The following ABL1 variants were observed in gnomAD, a reference collection of about 807,000 sequenced individuals.
The protein encoded by ABL1 is ABL proto-oncogene 1, non-receptor tyrosine kinase.
ABL1 carries 11 observed loss-of-function variants against 94.7 expected under a neutral mutation model. That is an observed-to-expected ratio of 0.12 (90% CI 0.07 to 0.19). ABL1 has a LOEUF of 0.19. Among genes scored for constraint, ABL1 ranks in the 10% least tolerant of loss-of-function variants. The pLI is 1.00. For missense variants in ABL1, 1,082 were observed against 1,489.4 expected, an observed-to-expected ratio of 0.73 and a Z score of 4.50; for synonymous variants, 656 against 622.4, an observed-to-expected ratio of 1.05 and a Z score of -0.80.
intron 10 of ABL1, among the ~76,000 whole-genome samples, chr9:130,882,986 G>A (rs772949647): frequency 2.0e-4 from 30 of 151,774 alleles, no homozygotes; most frequent in Non-Finnish European, 3.8e-4. Context: ...GCACAAGCTG[G>A]GGGCTGCCCC....
At chr9:130,789,639 G>A (rs1438002671) in intron 1 of ABL1, among the ~76,000 whole-genome samples, 1 of 152,094 alleles carries the variant, frequency 6.6e-6, no homozygotes, top group Non-Finnish European at 1.5e-5. Flanking sequence ...TAGACTATAA[G>A]TTAATTTACT....
At chr9:130,763,745 G>T (rs1564283519) in intron 1 of ABL1, among the ~76,000 whole-genome samples, 2 of 152,222 alleles carry the variant, frequency 1.3e-5, no homozygotes, top group Admixed American at 6.5e-5. Flanking sequence ...TCACAAGGCA[G>T]AAGTGACATG....
At chr9:130,753,422 C>CTTTTTTTTTTTTTTTTTT (rs71389347) in intron 1 of ABL1, among the ~76,000 whole-genome samples, 54 of 90,324 alleles carry the variant, frequency 6.0e-4, no homozygotes, top group Non-Finnish European at 8.1e-4. Flanking sequence ...TTTTTCTTTT[C>CTTTTTTTTTTTTTTTTTT]TTTTTTTTTT....
Position 130,885,755 on chromosome 9 carries a change from A to T in ABL1, c.*72A>T. ...ACATGCGGGCTCGCCCATACCCGTG[A>T]CAGTGGCTGACAAGGGACTAGTGAG... On this transcript the variant is annotated 3_prime_UTR_variant, in exon 11 of 11. Transcript: ENST00000318560. 6.6e-7 allele frequency: 1 copy of T among 1,517,322 alleles called. No homozygotes were observed. The highest frequency in any genetic ancestry group is 8.8e-7 in the Non-Finnish European group (1 of 1,132,690). 94.0% of individuals were successfully genotyped at this position (1,517,322 alleles called of 1,614,324 possible). A position where few individuals can be genotyped will look rare whatever the true frequency, so the allele number is the denominator to read the frequency against.
At chr9:130,720,892 AT>A (rs1831505883) in intron 1 of ABL1, among the ~76,000 whole-genome samples, 1 of 152,032 alleles carries the variant, frequency 6.6e-6, no homozygotes, top group Non-Finnish European at 1.5e-5. Context: ...TTCGAACTGA[AT>A]AACTGGAAGA....
At chr9:130,868,689 T>G (rs948843030) in intron 4 of ABL1, among the ~76,000 whole-genome samples, 6 of 151,650 alleles carry the variant, frequency 4.0e-5, no homozygotes, top group Admixed American at 6.6e-5. Flanking sequence ...CCCGGCTAAT[T>G]TTTGCATTTT....
chr9:130,884,375 C>T lies in ABL1; in HGVS notation c.2085C>T (p.Ser695=), dbSNP rs371639850. 7.0e-5 allele frequency: 113 copies of T among 1,611,768 alleles called. 1 individual carries two copies. Among genetic ancestry groups the T allele is most frequent in the Admixed American group, 1.0e-4 (6 of 59,950 alleles). Residue 695 remains serine, a synonymous_variant, in exon 11 of 11, where the codon AGC becomes AGT. Coordinates refer to ENST00000318560, the MANE Select transcript of ABL1 (RefSeq NM_005157.6). The surrounding 1 kb of genome is among the most constrained non-coding windows in gnomAD (Gnocchi z 5.6). ...GGAAGAAGTCCAGCACGCTGACCAG[C>T]AGCCGCCTAGCCACCGGCGAGGAGG... ...HLWKKSSTLT[S]SRLATGEEEG... is the part of the protein sequence containing the mutation.
At chr9:130,807,440 G>T (rs534135445) in intron 1 of ABL1, among the ~76,000 whole-genome samples, 2 of 151,566 alleles carry the variant, frequency 1.3e-5, no homozygotes, top group Non-Finnish European at 2.9e-5. Flanking sequence ...GGATTTCACC[G>T]TGTTGGCCAG....
intron 1 of ABL1, among the ~76,000 whole-genome samples, chr9:130,785,775 T>C (rs1394915875): frequency 1.3e-5 from 2 of 151,292 alleles, no homozygotes; most frequent in East Asian, 3.9e-4. Flanking sequence ...ATACAAAAAT[T>C]AGCTGGGCAT....
chr9:130,757,841 A>G (rs11244126), intron 1 of ABL1, among the ~76,000 whole-genome samples: 28,815 of 151,756 alleles, frequency 0.19, 3,441 homozygotes, highest in Middle Eastern at 0.39. Flanking sequence ...GCGCCCGGCC[A>G]GGCATTTTTT....
At chr9:130,781,993 T>C (rs1053639656) in intron 1 of ABL1, among the ~76,000 whole-genome samples, 1 of 152,254 alleles carries the variant, frequency 6.6e-6, no homozygotes, top group Non-Finnish European at 1.5e-5. Flanking sequence ...TATGTACATA[T>C]ACAGCTGAAG....
chr9:130,833,438 A>G (rs1465555230), upstream of ABL1, among the ~76,000 whole-genome samples: 3 of 152,126 alleles, frequency 2.0e-5, no homozygotes, highest in Non-Finnish European at 4.4e-5. Context: ...ACAACACTAA[A>G]CATGTTAGCA....
chr9:130,715,782 A>G (rs1403994596), intron 1 of ABL1, among the ~76,000 whole-genome samples: 2 of 152,214 alleles, frequency 1.3e-5, no homozygotes, highest in African/African-American at 4.8e-5. Context: ...GGAAGCTAGT[A>G]GAGAAAGCAG....
At chr9:130,737,046 C>A (rs1831753069) in intron 1 of ABL1, among the ~76,000 whole-genome samples, 1 of 152,066 alleles carries the variant, frequency 6.6e-6, no homozygotes, top group Non-Finnish European at 1.5e-5. Flanking sequence ...TCCAGGTCTA[C>A]CCCCAGGGGT....
chr9:130,764,964 A>G (rs1281405231), intron 1 of ABL1, among the ~76,000 whole-genome samples: 6 of 152,118 alleles, frequency 3.9e-5, no homozygotes, highest in Non-Finnish European at 8.8e-5. Flanking sequence ...AAAAAAAAAA[A>G]AAAAGAGGAT....
chr9:130,771,753 T>TTTTTTTTTTTTTTTTTTTTTTC (rs1832255123), intron 1 of ABL1, among the ~76,000 whole-genome samples: 1 of 50,684 alleles, frequency 2.0e-5, no homozygotes, highest in Non-Finnish European at 3.8e-5. Flanking sequence ...TCTTTCTTTC[T>TTTTTTTTTTTTTTTTTTTTTTC]TTTTTTTTTT....
chr9:130,739,607 G>A (rs914001146), intron 1 of ABL1, among the ~76,000 whole-genome samples: 4 of 152,102 alleles, frequency 2.6e-5, no homozygotes, highest in Non-Finnish European at 5.9e-5. Context: ...ATTAAAAGTA[G>A]GTGCCCTAAG....
At chr9:130,727,619 G>A (rs1831603207) in intron 1 of ABL1, among the ~76,000 whole-genome samples, 1 of 151,814 alleles carries the variant, frequency 6.6e-6, no homozygotes, top group Admixed American at 6.6e-5. Context: ...AAAATTAGCT[G>A]GGCTTGGTGG....
Position 130,880,678 on chromosome 9 carries a change from T to C in ABL1, c.1678+14T>C, listed in dbSNP as rs141585774. On this transcript the variant is annotated intron_variant, in intron 10 of 10. Transcript: ENST00000318560. This position sits in a 1 kb window ranked among gnomAD's most constrained non-coding sequence, Gnocchi z 4.4. ...AGGGAGAGAGCGGTAAGTCCCCCGC[T>C]TCCCCCAACCCCACTGCTCTTCCCT... 2.7e-3 allele frequency: 4,414 copies of C among 1,611,804 alleles called. 14 individuals carry two copies. The highest frequency in any genetic ancestry group is 3.5e-3 in the Non-Finnish European group (4,147 of 1,179,230).
Sources: gnomAD v4.1 joint callset for allele counts (sites outside exome capture counted in the v4.1 genomes callset) on GRCh38, gnomAD v4.1.1 for gene constraint, Gnocchi (gnomAD v3.1) non-coding constraint, MANE v1.5 for transcripts, NCBI Gene and HGNC (gene_info 2026-07-23, HGNC 2026-07-21) for gene names.